Variants in TMOD3 observed in about 807,000 individuals in gnomAD.
The protein encoded by TMOD3 is tropomodulin-3.
In TMOD3, 20 loss-of-function variants were observed where a neutral mutation model predicts 39.2. The ratio of observed to expected loss-of-function variants is 0.51; its 90% CI spans 0.36 to 0.74. TMOD3 has a LOEUF of 0.74. TMOD3 is among the 30% of genes least tolerant of loss of function. TMOD3 has a pLI of 0.00. For synonymous variants in TMOD3, 143 were observed against 145.8 expected (o/e 0.98, Z 0.14); for missense variants, 381 against 412.8 (o/e 0.92, Z 0.67).
chr15:51,906,722 C>T (rs1027750908), intron 9 of TMOD3, among the ~76,000 whole-genome samples: 1 of 152,144 alleles, frequency 6.6e-6, no homozygotes, highest in Non-Finnish European at 1.5e-5. Context: ...AAATGTTCTA[C>T]CCTAAAGAAT....
At chr15:51,903,525 T>C (rs984683579) in intron 9 of TMOD3, among the ~76,000 whole-genome samples, 6 of 152,256 alleles carry the variant, frequency 3.9e-5, no homozygotes, top group African/African-American at 1.4e-4. Context: ...GTGGAAAATA[T>C]TAGCTCAAAC....
chr15:51,869,262 A>G lies in TMOD3; in HGVS notation c.172A>G (p.Lys58Glu). 1.2e-6 allele frequency: 2 copies of G among 1,614,136 alleles called. No individual in the cohort carries two copies. The highest frequency in any genetic ancestry group is 1.1e-5 in the South Asian group (1 of 91,064). Residue 58 changes from lysine to glutamate, a missense_variant, in exon 3 of 10, where the codon AAG becomes GAG. Transcript: ENST00000308580. ...AGFRQKNQTS[K>E]STTGPFDREH... ...GTTCCGGCAGAAGAACCAGACATCA[A>G]AGTCCACCACAGGGCCATTTGATAG...
intron 1 of TMOD3, among the ~76,000 whole-genome samples, chr15:51,842,864 G>A (rs1204955546): frequency 6.6e-6 from 1 of 152,118 alleles, no homozygotes; most frequent in Non-Finnish European, 1.5e-5. Flanking sequence ...CTTTCAATCT[G>A]AAAATTAATC....
chr15:51,888,452 T>G (rs1400806790), intron 4 of TMOD3, among the ~76,000 whole-genome samples: 1 of 152,208 alleles, frequency 6.6e-6, no homozygotes, highest in Non-Finnish European at 1.5e-5. Context: ...AACAGTACAT[T>G]CACCAGAGTG....
At chr15:51,842,888 T>C (rs1259911577) in intron 1 of TMOD3, among the ~76,000 whole-genome samples, 1 of 152,196 alleles carries the variant, frequency 6.6e-6, no homozygotes, top group Non-Finnish European at 1.5e-5. Context: ...ATAATAAAGC[T>C]TGATGTATCT....
chr15:51,887,451 T>TATATCTATATCTCTTAAAA, intron 3 of TMOD3, 138 bp from the exon 4 acceptor site: 1 of 908,014 alleles, frequency 1.1e-6, no homozygotes, highest in South Asian at 2.0e-5. Context: ...TAAAAATCTA[T>TATATCTATATCTCTTAAAA]GTCAGAGATA....
chr15:51,905,703 A>G (rs1421860683), intron 9 of TMOD3, among the ~76,000 whole-genome samples: 1 of 152,170 alleles, frequency 6.6e-6, no homozygotes, highest in Non-Finnish European at 1.5e-5. Context: ...GGACATTCGC[A>G]ATTAACTAAT....
At chr15:51,882,333 G>T (rs1318498885) in intron 3 of TMOD3, among the ~76,000 whole-genome samples, 2 of 151,810 alleles carry the variant, frequency 1.3e-5, no homozygotes, top group East Asian at 2.0e-4. Flanking sequence ...GAGGTCAGGA[G>T]TTTAAGACCA....
intron 9 of TMOD3, among the ~76,000 whole-genome samples, chr15:51,905,195 A>G (rs1160450347): frequency 6.6e-6 from 1 of 152,212 alleles, no homozygotes; most frequent in African/African-American, 2.4e-5. Context: ...TAACATTTAA[A>G]AAGTGGTATC....
At chr15:51,861,250 C>G (rs2056417059) in intron 1 of TMOD3, 1 of 406,580 alleles carries the variant, frequency 2.5e-6, no homozygotes, top group Non-Finnish European at 4.8e-6. Flanking sequence ...TGTTCCAATT[C>G]AGGGAGCTGA....
chr15:51,861,243 T>A, intron 1 of TMOD3: 1 of 412,474 alleles, frequency 2.4e-6, no homozygotes, highest in South Asian at 2.2e-5. Context: ...CTCTAGCTGT[T>A]CCAATTCAGG....
chr15:51,885,126 G>GT (rs2056553415), intron 3 of TMOD3, among the ~76,000 whole-genome samples: 1 of 152,172 alleles, frequency 6.6e-6, no homozygotes, highest in Non-Finnish European at 1.5e-5. Context: ...CCCAAGTTGT[G>GT]TGAGTACATC....
chr15:51,837,012 G>T (rs2056288146), intron 1 of TMOD3, among the ~76,000 whole-genome samples: 1 of 152,140 alleles, frequency 6.6e-6, no homozygotes, highest in Non-Finnish European at 1.5e-5. Context: ...AGTTCCTGAA[G>T]TGTCTGTGAG....
At chr15:51,847,589 A>G (rs932690565) in intron 1 of TMOD3, among the ~76,000 whole-genome samples, 1 of 152,164 alleles carries the variant, frequency 6.6e-6, no homozygotes, top group Admixed American at 6.5e-5. Flanking sequence ...AGTGAACCAA[A>G]CAAAAGGATA....
At chr15:51,847,004 T>C (rs550771757) in intron 1 of TMOD3, among the ~76,000 whole-genome samples, 1 of 152,290 alleles carries the variant, frequency 6.6e-6, no homozygotes, top group South Asian at 2.1e-4. Flanking sequence ...CCTGTGTCTC[T>C]GATGCTGCAG....
At chr15:51,841,169 G>A (rs2056311057) in intron 1 of TMOD3, among the ~76,000 whole-genome samples, 1 of 152,094 alleles carries the variant, frequency 6.6e-6, no homozygotes, top group Non-Finnish European at 1.5e-5. Flanking sequence ...AAAGTGCCTG[G>A]CATATAACAG....
intron 1 of TMOD3, among the ~76,000 whole-genome samples, chr15:51,844,022 G>A (rs1440808416): frequency 7.2e-5 from 11 of 151,820 alleles, no homozygotes; most frequent in Admixed American, 7.2e-4. Context: ...TCTAAAGTCA[G>A]GGATAATATT....
rs2056302582 is a variant in TMOD3 at position 51,839,362 on chromosome 15, G to A, written c.-75+9526G>A. 4.6e-5 allele frequency among the ~76,000 whole-genome samples: 7 copies of A among 151,282 alleles called. No homozygotes were observed. In the South Asian group the frequency reaches 1.5e-3, roughly 32 times the overall value. ...TTTTTTGTAATTTTTATAGAGATGG[G>A]GTCTCTTTATGTTACCCAGGCTAGT... On this transcript the variant is annotated intron_variant, in intron 1 of 9. Transcript: ENST00000308580.
At chr15:51,888,230 CCCTCCCT>C (rs2056575069) in intron 4 of TMOD3, among the ~76,000 whole-genome samples, 1 of 152,284 alleles carries the variant, frequency 6.6e-6, no homozygotes, top group Admixed American at 6.5e-5. Context: ...CAGTATCTTC[CCCTCCCT>C]ACCCATGTAC....
Sources: allele counts gnomAD v4.1 joint callset (sites outside exome capture counted in the v4.1 genomes callset), GRCh38; gene constraint gnomAD v4.1.1; transcripts MANE v1.5; gene names NCBI Gene and HGNC (gene_info 2026-07-23, HGNC 2026-07-21).